The following MYO5A variants were observed in gnomAD, a reference collection of about 807,000 sequenced individuals.
MYO5A encodes the protein myosin VA, also known as unconventional myosin-Va.
Under a neutral mutation model 249.7 loss-of-function variants are expected in MYO5A, and 98 were observed. The observed-to-expected ratio is 0.39, with a 90% confidence interval of 0.33 to 0.46. MYO5A has a LOEUF of 0.46. Among genes scored for constraint, MYO5A ranks in the 20% least tolerant of loss-of-function variants. The pLI is 0.98. For missense variants in MYO5A, 1,696 were observed against 2,308.8 expected (o/e 0.73, Z 5.44); for synonymous variants, 778 against 810.6 (o/e 0.96, Z 0.68).
At chr15:52,339,060 A>G (rs986427099) in intron 32 of MYO5A, among the ~76,000 whole-genome samples, 10 of 152,224 alleles carry the variant, frequency 6.6e-5, no homozygotes, top group African/African-American at 2.2e-4. Flanking sequence ...TGAGATGTCA[A>G]TCACTTTGGA....
intron 4 of MYO5A, among the ~76,000 whole-genome samples, chr15:52,419,447 C>A (rs1972160): frequency 0.32 from 48,193 of 151,992 alleles, 9,828 homozygotes; most frequent in East Asian, 0.66. Context: ...CATCACTCAT[C>A]AAAATCAAGC....
intron 9 of MYO5A, among the ~76,000 whole-genome samples, chr15:52,398,206 G>A (rs551321119): frequency 6.6e-6 from 1 of 152,264 alleles, no homozygotes; most frequent in African/African-American, 2.4e-5. Context: ...ATTGTAAGCA[G>A]GTAACTTGAT....
At chr15:52,431,495 C>T (rs910749967) in intron 2 of MYO5A, among the ~76,000 whole-genome samples, 3 of 151,708 alleles carry the variant, frequency 2.0e-5, no homozygotes, top group African/African-American at 7.3e-5. Flanking sequence ...TCTATCTATC[C>T]ATCCATGTAT....
At chr15:52,389,210 A>G (rs368021820) in intron 13 of MYO5A, 28 bp downstream of exon 13, 1 of 1,606,124 alleles carries the variant, frequency 6.2e-7, no homozygotes, top group Non-Finnish European at 8.5e-7. Context: ...AGTATTCAAA[A>G]AGAAAAACTG....
intron 1 of MYO5A, chr15:52,438,121 T>C: frequency 1.1e-6 from 1 of 873,996 alleles, no homozygotes; most frequent in Non-Finnish European, 1.4e-6. Flanking sequence ...TTTGAGGATA[T>C]ATACCTTAGA....
At chr15:52,510,040 T>C (rs1179650995) in intron 1 of MYO5A, among the ~76,000 whole-genome samples, 2 of 152,260 alleles carry the variant, frequency 1.3e-5, no homozygotes, top group Non-Finnish European at 2.9e-5. Context: ...GTCACTGCTA[T>C]GGCAGTGAAG....
chr15:52,473,722 G>A (rs2076529002), intron 1 of MYO5A, among the ~76,000 whole-genome samples: 1 of 152,158 alleles, frequency 6.6e-6, no homozygotes, highest in Non-Finnish European at 1.5e-5. Flanking sequence ...TATTATTTCT[G>A]AGGGCTCTAT....
intron 20 of MYO5A, among the ~76,000 whole-genome samples, chr15:52,373,244 AG>A (rs2041224433): frequency 6.6e-6 from 1 of 152,242 alleles, no homozygotes; most frequent in Non-Finnish European, 1.5e-5. Flanking sequence ...TTGTCGCTAA[AG>A]AGCACCAAAA....
At chr15:52,406,048 G>C (rs1384899584) in intron 8 of MYO5A, among the ~76,000 whole-genome samples, 2 of 152,190 alleles carry the variant, frequency 1.3e-5, no homozygotes, top group Non-Finnish European at 2.9e-5. Flanking sequence ...CATCAGAGCA[G>C]AACTTGAAGG....
At chr15:52,443,767 G>A (rs546425479) in intron 1 of MYO5A, among the ~76,000 whole-genome samples, 1 of 149,864 alleles carries the variant, frequency 6.7e-6, no homozygotes, top group East Asian at 1.9e-4. Context: ...GATTGTCTGA[G>A]CTCAGGAGTT....
At chr15:52,451,043 T>C (rs1232348676) in intron 1 of MYO5A, among the ~76,000 whole-genome samples, 1 of 151,942 alleles carries the variant, frequency 6.6e-6, no homozygotes, top group Non-Finnish European at 1.5e-5. Context: ...TCTACTGAAC[T>C]CCAGACCCCT....
intron 10 of MYO5A, among the ~76,000 whole-genome samples, chr15:52,396,706 A>C (rs1416767628): frequency 2.6e-5 from 4 of 152,176 alleles, no homozygotes; most frequent in East Asian, 1.9e-4. Context: ...CATCAGAATT[A>C]TAATAAAGCC....
chr15:52,322,278 C>A (rs1175028894), intron 37 of MYO5A, among the ~76,000 whole-genome samples: 2 of 152,226 alleles, frequency 1.3e-5, no homozygotes, highest in African/African-American at 4.8e-5. Flanking sequence ...GGTCTGTTGG[C>A]CCCATCTTCT....
chr15:52,489,915 T>C (rs1034105545), intron 1 of MYO5A, among the ~76,000 whole-genome samples: 4 of 152,284 alleles, frequency 2.6e-5, no homozygotes, highest in Admixed American at 6.5e-5. Context: ...AGACTTTGAA[T>C]AGACGTTTCT....
At chr15:52,364,422 G>A (rs1427477643) in intron 24 of MYO5A, 132 bp downstream of exon 24, 1 of 775,782 alleles carries the variant, frequency 1.3e-6, no homozygotes, top group Non-Finnish European at 2.0e-6. Context: ...AATGGGAGGT[G>A]AATATGTGTT....
intron 28 of MYO5A, 146 bp from the exon 29 acceptor site, chr15:52,348,972 T>C: frequency 2.6e-6 from 2 of 771,568 alleles, no homozygotes; most frequent in Non-Finnish European, 2.1e-6. Flanking sequence ...AAATTAACTC[T>C]ATATATACAT....
At chr15:52,399,319 A>T (rs1185290537) in intron 9 of MYO5A, among the ~76,000 whole-genome samples, 2 of 152,160 alleles carry the variant, frequency 1.3e-5, no homozygotes, top group Non-Finnish European at 2.9e-5. Flanking sequence ...CTCTTCAGAG[A>T]TGAGATTTCA....
At chr15:52,340,055 T>C (rs769054531) in intron 32 of MYO5A, 141 bp downstream of exon 32, 10 of 860,514 alleles carry the variant, frequency 1.2e-5, no homozygotes, top group Admixed American at 2.1e-5. Context: ...TTCCTTACTC[T>C]GTCTCTGCTG....
chr15:52,385,053 G>A (rs1475282213), intron 14 of MYO5A, among the ~76,000 whole-genome samples: 1 of 152,176 alleles, frequency 6.6e-6, no homozygotes, highest in African/African-American at 2.4e-5. Flanking sequence ...ATTATTAAAA[G>A]ATCTGGTACT....
Sources: allele counts gnomAD v4.1 joint callset (sites outside exome capture counted in the v4.1 genomes callset), GRCh38; gene constraint gnomAD v4.1.1; transcripts MANE v1.5; gene names NCBI Gene and HGNC (gene_info 2026-07-23, HGNC 2026-07-21).